The following ASTN1 variants were observed in gnomAD, a reference collection of about 807,000 sequenced individuals.
ASTN1 encodes the protein astrotactin-1.
A neutral mutation model predicts 140.7 loss-of-function variants in ASTN1; 41 were observed. That is an observed-to-expected ratio of 0.29 (90% CI 0.23 to 0.38). The LOEUF (loss-of-function observed/expected upper bound fraction) is 0.38, where lower values mean the gene tolerates loss of function less well. ASTN1 is among the 10% of genes least tolerant of loss of function. ASTN1 has a pLI of 1.00. For synonymous variants in ASTN1, 640 were observed against 652.2 expected (o/e 0.98, Z 0.29); for missense variants, 1,479 against 1,678.8 (o/e 0.88, Z 2.08).
chr1:177,061,150 T>C lies in ASTN1; in HGVS notation c.399A>G (p.Gly133=). The change falls in exon 2 of 23, where the codon GGA becomes GGG. Residue 133 remains glycine (G), a synonymous_variant. Coordinates refer to ENST00000361833, the MANE Select transcript of ASTN1 (RefSeq NM_004319.3). ...HHQDGAPSLP[G]QDPTEEPQHE... is the part of the protein sequence containing the mutation. ...GTTGGGGTTCTTCAGTGGGGTCTTG[T>C]CCAGGAAGGCTTGGGGCACCATCTT... 6.2e-7 allele frequency: 1 copy of C among 1,611,948 alleles called. No individual in the cohort carries two copies. Among genetic ancestry groups the C allele is most frequent in the Non-Finnish European group, 8.5e-7 (1 of 1,179,130 alleles).
downstream of ASTN1, among the ~76,000 whole-genome samples, chr1:176,860,641 A>G (rs1667932099): frequency 6.6e-6 from 1 of 152,196 alleles, no homozygotes; most frequent in Admixed American, 6.5e-5. Flanking sequence ...AAATGGCCAA[A>G]GTATAAATTT....
chr1:177,059,174 C>T lies in ASTN1; in HGVS notation c.471+1904G>A, dbSNP rs1315159043. ...GAAATGGTCTCAGGCCAAAACAAAA[C>T]AAAACCACCCATGACCACCATTGCA... On this transcript the variant is annotated intron_variant, in intron 2 of 22. Transcript: ENST00000361833. Among the ~76,000 whole-genome samples the T allele has an allele frequency of 2.6e-5, 4 of 152,294 alleles. No homozygotes were observed. The South Asian group carries it at 6.2e-4, about 24-fold the overall frequency.
rs1292866318 is a variant in ASTN1, at chr1:176,924,532, A to G, written c.2671+9620T>C. Among the ~76,000 whole-genome samples the G allele has an allele frequency of 2.0e-5, 3 of 152,052 alleles. No individual in the cohort carries two copies. The East Asian group carries it at 5.8e-4, about 29-fold the overall frequency. On this transcript the variant is annotated intron_variant, in intron 16 of 22. Transcript: ENST00000361833. ...TGCCTTCATTTATTTGTTACTTGAC[A>G]TTTTCTCTCTCTTCTCACTAGGATA...
intron 21 of ASTN1, among the ~76,000 whole-genome samples, chr1:176,875,788 C>T (rs923123093): frequency 2.0e-5 from 3 of 152,180 alleles, no homozygotes; most frequent in African/African-American, 2.4e-5. Context: ...AATACTACCA[C>T]ATTAGTGGTT....
intron 7 of ASTN1, among the ~76,000 whole-genome samples, chr1:177,021,963 A>G (rs1675846970): frequency 1.3e-5 from 2 of 152,224 alleles, no homozygotes; most frequent in South Asian, 2.1e-4. Context: ...TGTTTGCCTG[A>G]CAGCGTGGGA....
At chr1:177,078,157 T>G (rs553283231) in intron 1 of ASTN1, among the ~76,000 whole-genome samples, 12 of 151,900 alleles carry the variant, frequency 7.9e-5, no homozygotes, top group Non-Finnish European at 1.5e-4. Flanking sequence ...GAGAGGAAGA[T>G]GTATGATAGG....
intron 1 of ASTN1, among the ~76,000 whole-genome samples, chr1:177,064,004 A>G (rs1046875687): frequency 2.6e-5 from 4 of 152,016 alleles, no homozygotes; most frequent in African/African-American, 9.7e-5. Flanking sequence ...GGCAAACCAG[A>G]TTTTTATTTC....
At chr1:176,988,950 C>G (rs761876092) in intron 8 of ASTN1, among the ~76,000 whole-genome samples, 1 of 152,132 alleles carries the variant, frequency 6.6e-6, no homozygotes, top group African/African-American at 2.4e-5. Flanking sequence ...GCAATTGTCA[C>G]CCATTTGTTA....
intron 1 of ASTN1, among the ~76,000 whole-genome samples, chr1:177,063,087 A>C (rs985083956): frequency 6.6e-6 from 1 of 152,184 alleles, no homozygotes; most frequent in Non-Finnish European, 1.5e-5. Flanking sequence ...AAGTATGTTC[A>C]GGCTTTGATA....
chr1:176,977,744 T>C (rs1296866165), intron 8 of ASTN1, among the ~76,000 whole-genome samples: 1 of 152,194 alleles, frequency 6.6e-6, no homozygotes, highest in Non-Finnish European at 1.5e-5. Flanking sequence ...AGAAATTAAA[T>C]AACATAAGCC....
intron 8 of ASTN1, among the ~76,000 whole-genome samples, chr1:176,991,842 A>G (rs1292686451): frequency 6.6e-6 from 1 of 152,212 alleles, no homozygotes; most frequent in East Asian, 1.9e-4. Flanking sequence ...AACTTCAGAA[A>G]ATGATGTCAA....
At chr1:177,014,421 G>T (rs1675442349) in intron 8 of ASTN1, among the ~76,000 whole-genome samples, 2 of 152,094 alleles carry the variant, frequency 1.3e-5, no homozygotes, top group Non-Finnish European at 2.9e-5. Flanking sequence ...AGCTCATCAG[G>T]CTCTGGGAGA....
At chr1:177,074,735 T>C in intron 1 of ASTN1, among the ~76,000 whole-genome samples, 1 of 152,252 alleles carries the variant, frequency 6.6e-6, no homozygotes, top group East Asian at 1.9e-4. Flanking sequence ...ATGTGTTTTA[T>C]GCAGCACCAG....
Position 176,887,935 on chromosome 1 carries a change from G to A in ASTN1, c.3074+136C>T, listed in dbSNP as rs1669105686. 8 of 1,259,198 alleles carry A rather than the reference G, an allele frequency of 6.4e-6. No homozygotes were observed. The Middle Eastern group carries it at 8.0e-4, about 125-fold the overall frequency. The allele number at this position is 1,259,198 out of a possible 1,614,324, so 78.0% of individuals were successfully genotyped here. A position where few individuals can be genotyped will look rare whatever the true frequency, so the allele number is the denominator to read the frequency against. On this transcript the variant is annotated intron_variant, in intron 18 of 22. Coordinates refer to ENST00000361833, the MANE Select transcript of ASTN1 (RefSeq NM_004319.3). Reference sequence around the variant, plus strand: ...ACCATCTGTGCTGCCTCCCTTGGTAGATTGAAAGCTCTCTAAAGGCAGGTA... The same window carrying A: ...ACCATCTGTGCTGCCTCCCTTGGTAAATTGAAAGCTCTCTAAAGGCAGGTA...
At position 177,099,997 on chromosome 1, in the gene ASTN1, A is replaced by G. The variant is rs144567225; in HGVS notation, c.284-38732T>C. On this transcript the variant is annotated intron_variant, in intron 1 of 22. Coordinates refer to ENST00000361833, the MANE Select transcript of ASTN1 (RefSeq NM_004319.3). ...TCAGGGAACCCAACCCCTCCTTTCA[A>G]AATTGTGAATGCTGAGGTGTTAAGA... Among the ~76,000 whole-genome samples the G allele has an allele frequency of 9.7e-4, 148 of 152,334 alleles. 1 individual carries two copies. The highest frequency in any genetic ancestry group is 3.4e-3 in the African/African-American group (143 of 41,582).
intron 2 of ASTN1, among the ~76,000 whole-genome samples, chr1:177,047,201 A>G (rs971987711): frequency 1.3e-5 from 2 of 152,248 alleles, no homozygotes; most frequent in African/African-American, 4.8e-5. Flanking sequence ...AAAGGGGGTC[A>G]GAAACACTTT....
At chr1:177,001,728 G>T (rs148203907) in intron 8 of ASTN1, among the ~76,000 whole-genome samples, 39 of 152,288 alleles carry the variant, frequency 2.6e-4, no homozygotes, top group African/African-American at 8.9e-4. Flanking sequence ...GATGAAATAG[G>T]TGGTTACTCC....
At chr1:176,876,251 G>A (rs147336558) in intron 21 of ASTN1, among the ~76,000 whole-genome samples, 2 of 152,246 alleles carry the variant, frequency 1.3e-5, no homozygotes, top group African/African-American at 4.8e-5. Context: ...CACTACATAC[G>A]TCAGCACCTG....
chr1:177,033,647 T>A (rs894026672), intron 2 of ASTN1, among the ~76,000 whole-genome samples: 13 of 152,198 alleles, frequency 8.5e-5, no homozygotes, highest in African/African-American at 2.4e-4. Context: ...AACCACACAG[T>A]CCTGAGTGAT....
Sources: gnomAD v4.1 joint callset for allele counts (sites outside exome capture counted in the v4.1 genomes callset) on GRCh38, gnomAD v4.1.1 for gene constraint, MANE v1.5 for transcripts, NCBI Gene and HGNC (gene_info 2026-07-23, HGNC 2026-07-21) for gene names.